Variants in UBTD1 observed in about 807,000 individuals in gnomAD.
The protein encoded by UBTD1 is ubiquitin domain-containing protein 1.
In UBTD1, 19 loss-of-function variants were observed where a neutral mutation model predicts 21.7. That is an observed-to-expected ratio of 0.87 (90% CI 0.61 to 1.28). UBTD1 has a LOEUF of 1.28. Ranked by LOEUF, UBTD1 falls within the 50% of genes most tolerant of loss-of-function variation. The pLI is 0.00. For synonymous variants in UBTD1, 116 were observed against 135.1 expected, an observed-to-expected ratio of 0.86 and a Z score of 0.98; for missense variants, 282 against 315.1, an observed-to-expected ratio of 0.89 and a Z score of 0.80.
chr10:97,550,697 TC>T (rs1318549040), intron 1 of UBTD1, among the ~76,000 whole-genome samples: 12 of 151,938 alleles, frequency 7.9e-5, no homozygotes, highest in Admixed American at 7.9e-4. Flanking sequence ...TGTGTAGCCA[TC>T]CTGAGTTCAG....
Position 97,499,236 on chromosome 10 carries a change from G to C in UBTD1, c.33G>C (p.Glu11Asp). 1.3e-6 allele frequency: 2 copies of C among 1,548,512 alleles called. No homozygotes were observed. Among genetic ancestry groups the C allele is most frequent in the South Asian group, 2.4e-5 (2 of 83,584 alleles). The change falls in exon 1 of 3, where the codon GAG becomes GAC. Residue 11 changes from glutamate to aspartate, a missense_variant. Physicochemically the swap from Glu to Asp is conservative, Grantham distance 45. Transcript: ENST00000370664. MGNCVGRQRR[E>D]RPAAPGHPRK... ...ACTGCGTGGGGAGACAGCGCCGGGA[G>C]AGGCCGGCAGCCCCGGGACACCCCC...
chr10:97,558,746 T>C (rs1210699502), intron 1 of UBTD1, among the ~76,000 whole-genome samples: 1 of 152,228 alleles, frequency 6.6e-6, no homozygotes, highest in Non-Finnish European at 1.5e-5. Context: ...AATACTGACT[T>C]AAATCTTTTA....
chr10:97,509,097 TTC>T (rs1554863893), intron 1 of UBTD1, among the ~76,000 whole-genome samples: 1 of 152,254 alleles, frequency 6.6e-6, no homozygotes, highest in Non-Finnish European at 1.5e-5. Context: ...AATCTCTTTC[TTC>T]TCTCAGCATT....
chr10:97,522,808 C>A (rs529221204), intron 1 of UBTD1, among the ~76,000 whole-genome samples: 20 of 152,278 alleles, frequency 1.3e-4, no homozygotes, highest in African/African-American at 4.8e-4. Context: ...GACAAAGCAG[C>A]TTGGAAGAGG....
At chr10:97,543,303 C>G (rs1246103599) in intron 1 of UBTD1, among the ~76,000 whole-genome samples, 1 of 152,092 alleles carries the variant, frequency 6.6e-6, no homozygotes, top group Admixed American at 6.6e-5. Context: ...AGTCATGGGC[C>G]GAGGAGGAGG....
intron 1 of UBTD1, among the ~76,000 whole-genome samples, chr10:97,564,029 G>T (rs895787156): frequency 6.6e-6 from 1 of 152,156 alleles, no homozygotes; most frequent in African/African-American, 2.4e-5. Context: ...AATGGGGAGG[G>T]TCCTGCAGGC....
intron 1 of UBTD1, among the ~76,000 whole-genome samples, chr10:97,520,424 G>A (rs754462022): frequency 3.3e-5 from 5 of 152,194 alleles, no homozygotes; most frequent in South Asian, 2.1e-4. Flanking sequence ...TCCTGGGTGT[G>A]CAGCTGAGCA....
At chr10:97,524,540 G>A (rs919541573) in intron 1 of UBTD1, among the ~76,000 whole-genome samples, 9 of 152,280 alleles carry the variant, frequency 5.9e-5, no homozygotes, top group South Asian at 2.1e-4. Flanking sequence ...TGAGGACTAC[G>A]ATGACTTATG....
chr10:97,519,982 C>T (rs999224762), intron 1 of UBTD1, among the ~76,000 whole-genome samples: 8 of 152,170 alleles, frequency 5.3e-5, no homozygotes, highest in Admixed American at 1.3e-4. Flanking sequence ...CTAAACACCA[C>T]TGGTTTACTA....
intron 1 of UBTD1, among the ~76,000 whole-genome samples, chr10:97,540,944 T>C (rs960792977): frequency 6.6e-6 from 1 of 152,192 alleles, no homozygotes; most frequent in Admixed American, 6.5e-5. Context: ...TGTCCTGGGC[T>C]GGAGGCAGCG....
chr10:97,499,390 T>C, intron 1 of UBTD1, 117 bp downstream of exon 1: 7 of 1,281,180 alleles, frequency 5.5e-6, no homozygotes, highest in South Asian at 1.7e-5. Context: ...GTTTCCCCGA[T>C]GGGCTGCTCC....
At position 97,568,065 on chromosome 10, in the gene UBTD1, C is replaced by T. The variant is rs376589185; in HGVS notation, c.222C>T (p.Ala74=). The change falls in exon 2 of 3, where the codon GCC becomes GCT. Residue 74 remains alanine, a synonymous_variant. Transcript: ENST00000370664. Reference sequence around the variant, plus strand: ...AGATCTGGGATGCCCTCAAGGCTGCCGCCTATGCTGCTGAAGCCAACGACC... The same window carrying T: ...AGATCTGGGATGCCCTCAAGGCTGCTGCCTATGCTGCTGAAGCCAACGACC... ...RKEIWDALKA[A]AYAAEANDHE... The T allele has an allele frequency of 2.2e-5, 36 of 1,613,796 alleles. No homozygotes were observed. The highest frequency in any genetic ancestry group is 1.6e-4 in the Middle Eastern group (1 of 6,084).
intron 1 of UBTD1, among the ~76,000 whole-genome samples, chr10:97,558,251 A>G (rs1279442982): frequency 1.3e-5 from 2 of 152,160 alleles, no homozygotes; most frequent in East Asian, 3.8e-4. Context: ...TACCAGGAGT[A>G]AGGTGGCGGG....
intron 1 of UBTD1, among the ~76,000 whole-genome samples, chr10:97,565,469 T>C (rs1335576789): frequency 6.6e-6 from 1 of 152,132 alleles, no homozygotes; most frequent in East Asian, 1.9e-4. Flanking sequence ...TTTTCCCTAT[T>C]GTATACTTCT....
intron 1 of UBTD1, among the ~76,000 whole-genome samples, chr10:97,518,388 G>A (rs1242181778): frequency 1.3e-5 from 2 of 152,214 alleles, no homozygotes; most frequent in Non-Finnish European, 2.9e-5. Flanking sequence ...CTCTGCAGCC[G>A]ACATCCCACT....
At chr10:97,520,513 A>G (rs980277507) in intron 1 of UBTD1, among the ~76,000 whole-genome samples, 2 of 152,236 alleles carry the variant, frequency 1.3e-5, no homozygotes, top group African/African-American at 4.8e-5. Flanking sequence ...AAAATGTAAG[A>G]CATACTACAA....
Position 97,547,526 on chromosome 10 carries a change from G to A in UBTD1, c.71-20388G>A, listed in dbSNP as rs75970322. On this transcript the variant is annotated intron_variant, in intron 1 of 2. Coordinates refer to ENST00000370664, the MANE Select transcript of UBTD1 (RefSeq NM_024954.5). ...TAACCCCTGCGTTCTGCTGCACCGC[G>A]AAATAAAGACCAAGACATCCCTATG... Among the ~76,000 whole-genome samples the A allele has an allele frequency of 2.5e-3, 384 of 152,188 alleles. 2 individuals are homozygous for A. The highest frequency in any genetic ancestry group is 8.7e-3 in the African/African-American group (361 of 41,514).
At chr10:97,557,544 A>G (rs563645384) in intron 1 of UBTD1, among the ~76,000 whole-genome samples, 1 of 152,230 alleles carries the variant, frequency 6.6e-6, no homozygotes, top group Admixed American at 6.5e-5. Context: ...TTCTTGACAG[A>G]TATACTTATT....
rs575188384 is a variant in UBTD1, at chr10:97,545,612, A to ATATC, written c.71-22301_71-22300insATCT. Among the ~76,000 whole-genome samples, 14 of 152,294 alleles carry ATATC rather than the reference A, an allele frequency of 9.2e-5. No homozygotes were observed. The East Asian group carries it at 1.9e-3, about 21-fold the overall frequency. On this transcript the variant is annotated intron_variant, in intron 1 of 2. Coordinates refer to ENST00000370664, the MANE Select transcript of UBTD1 (RefSeq NM_024954.5). ...CTTTAATCCCCCTAATCTCCCTTAG[A>ATATC]TGTGTGGCTGGGAACACTCCCTGCC... is the stretch of plus-strand genomic sequence containing the variant.
Sources: gnomAD v4.1 joint callset for allele counts (sites outside exome capture counted in the v4.1 genomes callset) on GRCh38, gnomAD v4.1.1 for gene constraint, MANE v1.5 for transcripts, NCBI Gene and HGNC (gene_info 2026-07-23, HGNC 2026-07-21) for gene names.